MAP2K2: variants seen among roughly 807,000 people sequenced by gnomAD.
The protein encoded by MAP2K2 is mitogen-activated protein kinase kinase 2.
A neutral mutation model predicts 43.7 loss-of-function variants in MAP2K2; 24 were observed. The observed-to-expected ratio is 0.55, with a 90% CI of 0.40 to 0.77. The LOEUF is 0.77. Ranked by LOEUF, MAP2K2 falls within the 30% of genes least tolerant of loss-of-function variation. The probability of loss-of-function intolerance (pLI) is 0.00; values close to 1 mark genes in which losing one functional copy is unlikely to be tolerated. For missense variants in MAP2K2, 470 were observed against 566.8 expected (o/e 0.83, Z 1.73); for synonymous variants, 244 against 239.7 (o/e 1.02, Z -0.17).
intron 3 of MAP2K2, chr19:4,104,847 G>A (rs1014319281): frequency 6.6e-6 from 1 of 152,412 alleles, no homozygotes; most frequent in Non-Finnish European, 1.5e-5. Context: ...TCGGGGCCAG[G>A]TCACTCTCTG....
At chr19:4,095,487 A>T (rs1436053540) in intron 8 of MAP2K2, 38 bp from the exon 9 acceptor site, 4 of 1,521,990 alleles carry the variant, frequency 2.6e-6, no homozygotes, top group African/African-American at 2.8e-5. Flanking sequence ...AGCCCTGGGC[A>T]TCGTCAGGGA....
intron 1 of MAP2K2, among the ~76,000 whole-genome samples, chr19:4,117,841 C>T (rs981991221): frequency 3.0e-4 from 45 of 152,318 alleles, no homozygotes; most frequent in African/African-American, 8.9e-4. Context: ...GAACTGAGGA[C>T]GCTGCCTTGA....
At chr19:4,120,268 G>A (rs1415454098) in intron 1 of MAP2K2, among the ~76,000 whole-genome samples, 1 of 152,238 alleles carries the variant, frequency 6.6e-6, no homozygotes, top group Non-Finnish European at 1.5e-5. Context: ...GGGACAGAAG[G>A]TAAGGAGGGG....
At chr19:4,117,373 G>GA in intron 2 of MAP2K2, 46 bp downstream of exon 2, 1 of 1,570,856 alleles carries the variant, frequency 6.4e-7, no homozygotes, top group Non-Finnish European at 8.7e-7. Flanking sequence ...TTTCCAGGGG[G>GA]ACCTTCCCCA....
chr19:4,120,452 T>G (rs1212156299), intron 1 of MAP2K2, among the ~76,000 whole-genome samples: 4 of 152,214 alleles, frequency 2.6e-5, no homozygotes, highest in African/African-American at 7.2e-5. Context: ...TAGCTGGGAT[T>G]ACAGGTGTGC....
chr19:4,111,289 C>A (rs2041150866), intron 2 of MAP2K2, among the ~76,000 whole-genome samples: 1 of 152,186 alleles, frequency 6.6e-6, no homozygotes, highest in Non-Finnish European at 1.5e-5. Flanking sequence ...ATGTGAATTA[C>A]ACCTCAATAA....
intron 3 of MAP2K2, 88 bp from the exon 4 acceptor site, chr19:4,102,541 G>T: frequency 1.8e-6 from 2 of 1,088,044 alleles, no homozygotes; most frequent in Non-Finnish European, 2.7e-6. Context: ...CGAGGGGGTG[G>T]TCTGCCTCCT....
intron 4 of MAP2K2, among the ~76,000 whole-genome samples, 169 bp downstream of exon 4, chr19:4,102,207 G>A (rs1057271408): frequency 4.6e-5 from 7 of 152,202 alleles, no homozygotes; most frequent in South Asian, 2.1e-4. Context: ...CAAAAGGGAC[G>A]TCACTTGTTC....
At chr19:4,096,858 G>A (rs918677640) in intron 8 of MAP2K2, among the ~76,000 whole-genome samples, 10 of 152,022 alleles carry the variant, frequency 6.6e-5, no homozygotes, top group African/African-American at 2.2e-4. Context: ...TTCTGGGTTC[G>A]TCTTCATAAA....
intron 1 of MAP2K2, among the ~76,000 whole-genome samples, chr19:4,120,246 G>C (rs2041275345): frequency 6.6e-6 from 1 of 152,258 alleles, no homozygotes; most frequent in African/African-American, 2.4e-5. Flanking sequence ...GAAATGGCGA[G>C]ACCCTGGGAG....
chr19:4,121,182 G>T (rs188748929), intron 1 of MAP2K2, among the ~76,000 whole-genome samples: 1 of 151,986 alleles, frequency 6.6e-6, no homozygotes, highest in East Asian at 1.9e-4. Flanking sequence ...GATTCTGCCA[G>T]CACGCCACCC....
intron 3 of MAP2K2, among the ~76,000 whole-genome samples, chr19:4,109,097 T>A (rs1015839094): frequency 3.9e-5 from 6 of 152,156 alleles, no homozygotes; most frequent in African/African-American, 1.4e-4. Context: ...TCAAAGGGGA[T>A]CGCACGTTTG....
intron 7 of MAP2K2, 49 bp downstream of exon 7, chr19:4,099,150 CCG>C: frequency 1.3e-6 from 2 of 1,482,834 alleles, no homozygotes; most frequent in Non-Finnish European, 1.8e-6. Context: ...ACAGCAGGCC[CCG>C]CGCAGGGCAC....
At chr19:4,102,772 C>T (rs2041032924) in intron 3 of MAP2K2, 1 of 1,272,174 alleles carries the variant, frequency 7.9e-7, no homozygotes, top group Middle Eastern at 3.3e-4. Flanking sequence ...CAAGCCGCGG[C>T]CGGGGGCTCA....
chr19:4,094,903 C>T (rs934195352), intron 9 of MAP2K2: 2 of 393,264 alleles, frequency 5.1e-6, no homozygotes, highest in Admixed American at 7.8e-5. Context: ...CGAGCTCACA[C>T]ACATGGACCG....
chr19:4,111,217 C>T (rs553256896), intron 2 of MAP2K2, among the ~76,000 whole-genome samples: 87 of 152,174 alleles, frequency 5.7e-4, no homozygotes, highest in Non-Finnish European at 1.0e-3. Flanking sequence ...GTGATGAGGA[C>T]GATGCCGTGA....
intron 6 of MAP2K2, chr19:4,100,791 A>G: frequency 1.7e-6 from 1 of 592,438 alleles, no homozygotes; most frequent in Non-Finnish European, 3.0e-6. Context: ...CTGGGGTGGG[A>G]CTGTCCCGGG....
intron 8 of MAP2K2, 98 bp from the exon 9 acceptor site, chr19:4,095,547 C>T (rs2040906881): frequency 2.0e-6 from 2 of 1,004,600 alleles, no homozygotes; most frequent in Non-Finnish European, 3.0e-6. Context: ...CGGTCACCCA[C>T]CCTGCAGGCC....
At chr19:4,109,879 A>T (rs1054159788) in intron 3 of MAP2K2, among the ~76,000 whole-genome samples, 4 of 152,158 alleles carry the variant, frequency 2.6e-5, no homozygotes, top group African/African-American at 9.7e-5. Context: ...GTTATTTGAG[A>T]TAGGGCAGAG....
Sources: gnomAD v4.1 joint callset for allele counts (sites outside exome capture counted in the v4.1 genomes callset) on GRCh38, gnomAD v4.1.1 for gene constraint, MANE v1.5 for transcripts, NCBI Gene and HGNC (gene_info 2026-07-23, HGNC 2026-07-21) for gene names.